The following CDH23 variants were observed in gnomAD, a reference collection of about 807,000 sequenced individuals.
The protein encoded by CDH23 is cadherin related 23, also known as cadherin-23.
Under a neutral mutation model 317.1 loss-of-function variants are expected in CDH23, and 189 were observed. That is an observed-to-expected ratio of 0.60 (90% CI 0.53 to 0.67). The LOEUF is 0.67. Ranked by LOEUF, CDH23 falls within the 30% of genes least tolerant of loss-of-function variation. CDH23 has a pLI of 0.00. For synonymous variants in CDH23, 1,839 were observed against 1,876.8 expected (o/e 0.98, Z 0.52); for missense variants, 4,401 against 4,592.4 (o/e 0.96, Z 1.20).
rs1850986573 is a variant in CDH23 at position 71,461,583 on chromosome 10, T to G, written c.145+15188T>G. 3.9e-5 allele frequency among the ~76,000 whole-genome samples: 6 copies of G among 152,176 alleles called. No homozygotes were observed. The South Asian group carries it at 1.2e-3, about 32-fold the overall frequency. On this transcript the variant is annotated intron_variant, in intron 3 of 69. Coordinates refer to ENST00000224721, the MANE Select transcript of CDH23 (RefSeq NM_022124.6). ...GTGGTGCACCAGCCTTCTGTCATCTTTTGCACGATCCATGTCTCCTCCATG... is the reference window on the plus strand; with the variant it reads ...GTGGTGCACCAGCCTTCTGTCATCTGTTGCACGATCCATGTCTCCTCCATG...
intron 9 of CDH23, among the ~76,000 whole-genome samples, chr10:71,599,535 G>A (rs1860079137): frequency 6.6e-6 from 1 of 152,180 alleles, no homozygotes; most frequent in Non-Finnish European, 1.5e-5. Flanking sequence ...GTAGTGTTGT[G>A]GGGGGTGATT....
rs72802193 is a variant in CDH23 at position 71,805,521 on chromosome 10, C to T, written c.7873-285C>T. 0.039 allele frequency among the ~76,000 whole-genome samples: 5,924 copies of T among 152,244 alleles called. 178 individuals are homozygous for T. The highest frequency in any genetic ancestry group is 0.062 in the Non-Finnish European group (4,206 of 68,010). ...TGGGACTGGAAGGGCGGAGGCAGCT[C>T]CTGGGAAGATGGTCACCCTGGGAAG... On this transcript the variant is annotated intron_variant, in intron 55 of 69. Transcript: ENST00000224721.
chr10:71,636,981 C>T (rs1331115503), intron 11 of CDH23, among the ~76,000 whole-genome samples: 3 of 152,092 alleles, frequency 2.0e-5, no homozygotes, highest in Non-Finnish European at 4.4e-5. Flanking sequence ...CCTTCTGTAT[C>T]CTGGCATCTC....
In CDH23 at chr10:71,551,694, T is replaced by C. The variant is rs911466455; in HGVS notation, c.430-15048T>C. On this transcript the variant is annotated intron_variant, in intron 6 of 69. Transcript: ENST00000224721. ...CCTGGTGGTCTTCTCATGGTCTTTG[T>C]GTGACATGAGAAGACTATCAGACTG... is the stretch of plus-strand genomic sequence containing the variant. Among the ~76,000 whole-genome samples the C allele has an allele frequency of 2.6e-5, 4 of 152,132 alleles. No individual in the cohort carries two copies. In the East Asian group the frequency reaches 7.7e-4, roughly 29 times the overall value.
rs1357346243 is a variant in CDH23, at chr10:71,677,679, C to T, written c.1738C>T (p.Leu580=). The T allele has an allele frequency of 1.9e-6, 3 of 1,562,086 alleles. No homozygotes were observed. Among genetic ancestry groups the T allele is most frequent in the Non-Finnish European group, 2.6e-6 (3 of 1,153,282 alleles). ...LRENEPSVTQ[L]VRLRATDEDS... ...GGAGAACGAGCCTTCTGTCACACAG[C>T]TGGTGCGGCTCCGGGTAAGGTGCCA... The change falls in exon 16 of 70, where the codon CTG becomes TTG. Residue 580 remains leucine (L), a synonymous_variant. Transcript: ENST00000224721.
intron 41 of CDH23, among the ~76,000 whole-genome samples, chr10:71,781,064 T>A (rs533787361): frequency 3.7e-4 from 57 of 152,018 alleles, no homozygotes; most frequent in African/African-American, 1.4e-3. Context: ...CAGGTAGAGG[T>A]TGCGTATACA....
In CDH23 at chr10:71,517,962, G is replaced by A. The variant is rs76163787; in HGVS notation, c.429+6750G>A. On this transcript the variant is annotated intron_variant, in intron 6 of 69. Transcript: ENST00000224721. ...TCTCTTGCGGCAGGCAGATGCCATC[G>A]CCTGCGGCAGCCAGGACAGCAAGCT... 5.6e-3 allele frequency among the ~76,000 whole-genome samples: 846 copies of A among 152,242 alleles called. 37 individuals are homozygous for A. In the East Asian group the frequency reaches 0.12, roughly 22 times the overall value.
chr10:71,690,682 CTTTCAGT>C, intron 20 of CDH23, 98 bp downstream of exon 20: 1 of 803,394 alleles, frequency 1.2e-6, no homozygotes, highest in Non-Finnish European at 2.1e-6. Context: ...GGTCCCCTTC[CTTTCAGT>C]TTTGAGCAGA....
intron 66 of CDH23, chr10:71,812,242 GGC>G (rs1385518598): frequency 1.9e-6 from 3 of 1,597,690 alleles, no homozygotes; most frequent in Non-Finnish European, 2.5e-6. Flanking sequence ...GCAGACTTTG[GGC>G]AGTGGGTGCA....
Position 71,397,324 on chromosome 10 carries a change from C to T in CDH23, c.-6+6C>T, listed in dbSNP as rs1589254919. On this transcript the variant is annotated splice_donor_region_variant and intron_variant, in intron 1 of 69. Coordinates refer to ENST00000224721, the MANE Select transcript of CDH23 (RefSeq NM_022124.6). The surrounding 1 kb of genome is among the most constrained non-coding windows in gnomAD (Gnocchi z 4.8). ...CCGCTGCACACACGCACACGGTACCCGGAGCCACGCACCGCCTCTTCCCTC... is the reference window on the plus strand; with the variant it reads ...CCGCTGCACACACGCACACGGTACCTGGAGCCACGCACCGCCTCTTCCCTC... 1 of 154,080 alleles carries T rather than the reference C, an allele frequency of 6.5e-6. No individual in the cohort carries two copies. The highest frequency in any genetic ancestry group is 1.5e-5 in the Non-Finnish European group (1 of 68,750). The allele number at this position is 154,080 out of a possible 1,614,324, so 9.5% of individuals were successfully genotyped here.
At chr10:71,800,558 C>G in intron 52 of CDH23, 78 bp from the exon 53 acceptor site, 2 of 1,482,816 alleles carry the variant, frequency 1.3e-6, no homozygotes, top group Non-Finnish European at 1.8e-6. Flanking sequence ...GAGCCCATAA[C>G]AGCATCTGGC....
rs539595257 is a variant in CDH23 at position 71,659,384 on chromosome 10, C to T, written c.1449+12767C>T. 2.0e-5 allele frequency among the ~76,000 whole-genome samples: 3 copies of T among 152,264 alleles called. No homozygotes were observed. The South Asian group carries it at 6.2e-4, about 32-fold the overall frequency. On this transcript the variant is annotated intron_variant, in intron 14 of 69. Coordinates refer to ENST00000224721, the MANE Select transcript of CDH23 (RefSeq NM_022124.6). ...TAGGCCTGAGAGTTTGTCCAGGGAA[C>T]ATTTGGGAGAAAGCCTAGAGCAGCA...
At position 71,735,333 on chromosome 10, in the gene CDH23, G is replaced by A. The variant is rs141351736; in HGVS notation, c.4209+675G>A. The stretch of plus-strand genomic sequence containing the variant: ...AGAGAAGACCATGTGCTGGGCCCCT[G>A]GGGGAGGGGGGCCCACTGAGGTCAG... On this transcript the variant is annotated intron_variant, in intron 34 of 69. Coordinates refer to ENST00000224721, the MANE Select transcript of CDH23 (RefSeq NM_022124.6). Among the ~76,000 whole-genome samples the A allele has an allele frequency of 5.9e-3, 904 of 152,282 alleles. 13 individuals carry two copies. Among genetic ancestry groups the A allele is most frequent in the African/African-American group, 0.021 (868 of 41,544 alleles).
chr10:71,413,601 A>C (rs1848422962), intron 1 of CDH23, among the ~76,000 whole-genome samples: 1 of 152,226 alleles, frequency 6.6e-6, no homozygotes, highest in Admixed American at 6.5e-5. Flanking sequence ...GTACTATCTT[A>C]ACAATATTAA....
intron 38 of CDH23, among the ~76,000 whole-genome samples, chr10:71,745,875 C>T (rs375275065): frequency 1.9e-4 from 29 of 152,348 alleles, no homozygotes; most frequent in Admixed American, 5.9e-4. Context: ...GCAGCTGCTA[C>T]CCTGCATAGA....
Position 71,796,009 on chromosome 10 carries a change from G to A in CDH23, c.6713-1095G>A, listed in dbSNP as rs540289541. ...ATGCAGCCGCCCTCTCCCCATCCTCGCTCCCCAGCCTGGGGGACAGGGAGC... is the reference window on the plus strand; with the variant it reads ...ATGCAGCCGCCCTCTCCCCATCCTCACTCCCCAGCCTGGGGGACAGGGAGC... On this transcript the variant is annotated intron_variant, in intron 48 of 69. Transcript: ENST00000224721. 4.7e-5 allele frequency: 46 copies of A among 986,268 alleles called. No homozygotes were observed. The East Asian group carries it at 3.1e-3, about 66-fold the overall frequency. The allele number at this position is 986,268 out of a possible 1,614,324, so 61.1% of individuals were successfully genotyped here. A position where few individuals can be genotyped will look rare whatever the true frequency, so the allele number is the denominator to read the frequency against.
In CDH23 at chr10:71,812,508, T is replaced by A; in HGVS notation, c.9409T>A (p.Cys3137Ser). 6.9e-7 allele frequency: 1 copy of A among 1,448,880 alleles called. No individual in the cohort carries two copies. The highest frequency in any genetic ancestry group is 9.3e-7 in the Non-Finnish European group (1 of 1,073,718). 89.8% of individuals were successfully genotyped at this position (1,448,880 alleles called of 1,614,324 possible). Residue 3137 changes from cysteine to serine, a missense_variant, in exon 67 of 70, where the codon TGT (cysteine) becomes AGT (serine). This residue lies in a region of CDH23 where 1,144 missense variants were observed against 1,138.2 expected (regional missense o/e 1.01). Coordinates refer to ENST00000224721, the MANE Select transcript of CDH23 (RefSeq NM_022124.6). ...GANPVWLDPF[C>S]RNLELAAQAE... ...CAACCCTGTGTGGCTGGATCCCTTC[T>A]GTCGGAACCTGGAGCTGGCCGCCCA...
chr10:71,499,630 G>C (rs568127068), intron 3 of CDH23, among the ~76,000 whole-genome samples: 1 of 151,588 alleles, frequency 6.6e-6, no homozygotes, highest in Non-Finnish European at 1.5e-5. Context: ...ACTTGAGGTA[G>C]GGAGTTTGAG....
At chr10:71,447,246 G>C (rs1044858755) in intron 3 of CDH23, among the ~76,000 whole-genome samples, 1 of 152,188 alleles carries the variant, frequency 6.6e-6, no homozygotes, top group South Asian at 2.1e-4. Context: ...TGGAAATGAG[G>C]CAGGATGGCT....
Sources: allele counts gnomAD v4.1 joint callset (sites outside exome capture counted in the v4.1 genomes callset), GRCh38; gene constraint gnomAD v4.1.1; regional missense constraint gnomAD v4.1.1; non-coding constraint Gnocchi (gnomAD v3.1); transcripts MANE v1.5; gene names NCBI Gene and HGNC (gene_info 2026-07-23, HGNC 2026-07-21).